PCDHGB1: variants seen among roughly 807,000 people sequenced by gnomAD.
PCDHGB1 encodes the protein protocadherin gamma subfamily B, 1.
Under a neutral mutation model 56.6 loss-of-function variants are expected in PCDHGB1, and 34 were observed. The ratio of observed to expected loss-of-function variants is 0.60; its 90% CI spans 0.46 to 0.80. The LOEUF is 0.80. PCDHGB1 is among the 30% of genes least tolerant of loss of function. The pLI, the probability that PCDHGB1 is intolerant of heterozygous loss-of-function variation, is 0.00. For missense variants in PCDHGB1, 1,278 were observed against 1,204.6 expected (o/e 1.06, Z -0.90); for synonymous variants, 561 against 505.9 (o/e 1.11, Z -1.46).
rs758216080 is a variant in PCDHGB1, at chr5:141,398,809, C to A, written c.2409+46140C>A. 1.3e-5 allele frequency: 21 copies of A among 1,613,854 alleles called. No individual in the cohort carries two copies. In the South Asian group the frequency reaches 2.1e-4, roughly 16 times the overall value. On this transcript the variant is annotated intron_variant, in intron 1 of 3. Coordinates refer to ENST00000523390, the MANE Select transcript of PCDHGB1 (RefSeq NM_018922.3). ...TCCACCCCTAAGCGGCACCACTGAG[C>A]TCCGGATCCAGGTAACCGACGCCAA...
chr5:141,491,709 C>T lies in PCDHGB1; in HGVS notation c.2410-3098C>T, dbSNP rs2099725685. On this transcript the variant is annotated intron_variant, in intron 1 of 3. Coordinates refer to ENST00000523390, the MANE Select transcript of PCDHGB1 (RefSeq NM_018922.3). The surrounding 1 kb of genome is among the most constrained non-coding windows in gnomAD (Gnocchi z 6.9). The stretch of plus-strand genomic sequence containing the variant: ...TGCGGGAGCGGAGCCAGGTGAGGGG[C>T]TCGGCGCCGCCCCGGGCGACCCCTG... 6.2e-7 allele frequency: 1 copy of T among 1,610,156 alleles called. No homozygotes were observed. Among genetic ancestry groups the T allele is most frequent in the Non-Finnish European group, 8.5e-7 (1 of 1,178,376 alleles).
chr5:141,495,034 A>C (rs986393420), intron 2 of PCDHGB1, 169 bp downstream of exon 2: 1 of 962,702 alleles, frequency 1.0e-6, no homozygotes, highest in Non-Finnish European at 1.2e-6. Context: ...CCCCGGAAGG[A>C]AGAGGCGACT....
chr5:141,372,265 G>A, intron 1 of PCDHGB1: 1 of 1,613,132 alleles, frequency 6.2e-7, no homozygotes, highest in African/African-American at 1.3e-5. Context: ...CTGCGCACGG[G>A]TGAGGTGCGC....
rs537087639 is a variant in PCDHGB1 at position 141,510,502 on chromosome 5, G to A, written c.2558-445G>A. 3.3e-5 allele frequency among the ~76,000 whole-genome samples: 5 copies of A among 152,296 alleles called. No homozygotes were observed. The South Asian group carries it at 6.2e-4, about 19-fold the overall frequency. ...CTTGAGAAAGCCAGGGCAAGGAACTGAGAGCCCGTGTCACAGCCCTGAGAG... is the reference window on the plus strand; with the variant it reads ...CTTGAGAAAGCCAGGGCAAGGAACTAAGAGCCCGTGTCACAGCCCTGAGAG... On this transcript the variant is annotated intron_variant, in intron 3 of 3. Coordinates refer to ENST00000523390, the MANE Select transcript of PCDHGB1 (RefSeq NM_018922.3).
At position 141,403,020 on chromosome 5, in the gene PCDHGB1, T is replaced by A. The variant is rs761279674; in HGVS notation, c.2409+50351T>A. ...CTGCTATGCTCGCTCCTGGGGATGCTATGGGAGGCCAGGGCCAGTCAGATT... is the reference window on the plus strand; with the variant it reads ...CTGCTATGCTCGCTCCTGGGGATGCAATGGGAGGCCAGGGCCAGTCAGATT... On this transcript the variant is annotated intron_variant, in intron 1 of 3. Transcript: ENST00000523390. The A allele has an allele frequency of 8.1e-6, 13 of 1,614,034 alleles. 1 individual carries two copies. The South Asian group carries it at 1.4e-4, about 18-fold the overall frequency.
At chr5:141,423,102 C>T (rs778561065) in intron 1 of PCDHGB1, 7 of 1,613,920 alleles carry the variant, frequency 4.3e-6, no homozygotes, top group Non-Finnish European at 4.2e-6. Context: ...AGCACACGGG[C>T]GAGGTGCGTA....
chr5:141,388,521 ACTGC>A, intron 1 of PCDHGB1: 1 of 1,613,840 alleles, frequency 6.2e-7, no homozygotes, highest in Non-Finnish European at 8.5e-7. Context: ...CTTGACTTTG[ACTGC>A]CTTGGACTTT....
chr5:141,430,910 G>A lies in PCDHGB1; in HGVS notation c.2410-63897G>A. The A allele has an allele frequency of 6.2e-7, 1 of 1,608,040 alleles. No homozygotes were observed. The highest frequency in any genetic ancestry group is 8.5e-7 in the Non-Finnish European group (1 of 1,177,584). On this transcript the variant is annotated intron_variant, in intron 1 of 3. Coordinates refer to ENST00000523390, the MANE Select transcript of PCDHGB1 (RefSeq NM_018922.3). ...CTCTAGGGTGGGCGACATCTCCAGG[G>A]ACCTGGGGCTGGAGCCCCGGGAGCT...
At chr5:141,436,200 T>C (rs1266606536) in intron 1 of PCDHGB1, among the ~76,000 whole-genome samples, 1 of 152,014 alleles carries the variant, frequency 6.6e-6, no homozygotes, top group African/African-American at 2.4e-5. Context: ...AAGAAAGACA[T>C]AATAGGAAAA....
chr5:141,507,113 C>G (rs1401559943), intron 3 of PCDHGB1: 1 of 152,220 alleles, frequency 6.6e-6, no homozygotes, highest in Non-Finnish European at 1.5e-5. Context: ...GGGACCATGG[C>G]TGCCTTTGGA....
Position 141,351,825 on chromosome 5 carries a change from G to A in PCDHGB1, c.1565G>A (p.Arg522His), listed in dbSNP as rs370366881. The A allele has an allele frequency of 6.2e-6, 10 of 1,613,082 alleles. No homozygotes were observed. The African/African-American group carries it at 8.0e-5, about 13-fold the overall frequency. ...AQRAFDHEQL[R>H]AFELTLQARD... ...CGCGCCTTCGACCACGAGCAGCTGCGCGCCTTCGAGCTCACACTGCAGGCC... is the reference window on the plus strand; with the variant it reads ...CGCGCCTTCGACCACGAGCAGCTGCACGCCTTCGAGCTCACACTGCAGGCC... Residue 522 changes from arginine to histidine, a missense_variant, in exon 1 of 4, where the codon CGC becomes CAC. Coordinates refer to ENST00000523390, the MANE Select transcript of PCDHGB1 (RefSeq NM_018922.3).
At chr5:141,427,845 G>C in intron 1 of PCDHGB1, 1 of 1,550,582 alleles carries the variant, frequency 6.4e-7, no homozygotes, top group Non-Finnish European at 8.8e-7. Context: ...CTTCGACCAC[G>C]AGCAGCTGTG....
chr5:141,422,577 T>G, intron 1 of PCDHGB1: 1 of 1,613,848 alleles, frequency 6.2e-7, no homozygotes, highest in Non-Finnish European at 8.5e-7. Context: ...ACGATAACCC[T>G]CCCGTTTTTC....
chr5:141,371,138 G>C lies in PCDHGB1; in HGVS notation c.2409+18469G>C, dbSNP rs761615775. 4.3e-6 allele frequency: 7 copies of C among 1,613,870 alleles called. No individual in the cohort carries two copies. In the East Asian group the frequency reaches 1.6e-4, roughly 36 times the overall value. On this transcript the variant is annotated intron_variant, in intron 1 of 3. Transcript: ENST00000523390. ...CAGTATTTACTCAGGACATGTACAG[G>C]GTCAATGTTGCAGAGAACCTGCCCG...
chr5:141,352,709 G>A (rs768287553), intron 1 of PCDHGB1, 40 bp downstream of exon 1: 3 of 1,543,562 alleles, frequency 1.9e-6, no homozygotes, highest in African/African-American at 1.4e-5. Flanking sequence ...ATATATGGCG[G>A]CCGGGCGCGG....
chr5:141,398,862 C>A (rs771326288), intron 1 of PCDHGB1: 5 of 1,613,966 alleles, frequency 3.1e-6, no homozygotes, highest in Admixed American at 1.7e-5. Flanking sequence ...TCAACCGAGA[C>A]GTGTACAGAG....
chr5:141,478,987 G>T (rs1007857792), intron 1 of PCDHGB1, among the ~76,000 whole-genome samples: 8 of 152,144 alleles, frequency 5.3e-5, no homozygotes, highest in African/African-American at 1.4e-4. Flanking sequence ...TGTGACATTT[G>T]TATTAAAACT....
chr5:141,498,053 G>A (rs2099781284), intron 2 of PCDHGB1, among the ~76,000 whole-genome samples: 1 of 152,204 alleles, frequency 6.6e-6, no homozygotes, highest in Non-Finnish European at 1.5e-5. Flanking sequence ...AAATAAATGT[G>A]AGACTGAAAC....
In PCDHGB1 at chr5:141,477,857, C is replaced by A. The variant is rs548674958; in HGVS notation, c.2410-16950C>A. On this transcript the variant is annotated intron_variant, in intron 1 of 3. Transcript: ENST00000523390. The surrounding 1 kb of genome is among the most constrained non-coding windows in gnomAD (Gnocchi z 4.9). ...AGGTGGGAGCTCGGTGGAGATGCTG[C>A]CTCGAGGTACCTCAGCTGGCCACCT... 2.9e-5 allele frequency: 47 copies of A among 1,613,454 alleles called. No individual in the cohort carries two copies. In the South Asian group the frequency reaches 4.9e-4, roughly 17 times the overall value.
Sources: gnomAD v4.1 joint callset for allele counts (sites outside exome capture counted in the v4.1 genomes callset) on GRCh38, gnomAD v4.1.1 for gene constraint, Gnocchi (gnomAD v3.1) non-coding constraint, MANE v1.5 for transcripts, NCBI Gene and HGNC (gene_info 2026-07-23, HGNC 2026-07-21) for gene names.